The following PEMT variants were observed in gnomAD, a reference collection of about 807,000 sequenced individuals.
The protein encoded by PEMT is phosphatidylethanolamine N-methyltransferase.
Under a neutral mutation model 27.4 loss-of-function variants are expected in PEMT, and 23 were observed. That is an observed-to-expected ratio of 0.84 (90% CI 0.60 to 1.19). PEMT has a LOEUF of 1.19. Ranked by LOEUF, PEMT falls within the 50% of genes most tolerant of loss-of-function variation. PEMT has a pLI of 0.00. For synonymous variants in PEMT, 137 were observed against 139.1 expected, an observed-to-expected ratio of 0.98 and a Z score of 0.11; for missense variants, 307 against 310.1, an observed-to-expected ratio of 0.99 and a Z score of 0.07.
At chr17:17,506,499 G>C (rs574646223) in intron 5 of PEMT, among the ~76,000 whole-genome samples, 198 bp from the exon 6 acceptor site, 1 of 152,286 alleles carries the variant, frequency 6.6e-6, no homozygotes, top group South Asian at 2.1e-4. Flanking sequence ...CCATGTTCTC[G>C]GTCCTGATCC....
intron 1 of PEMT, among the ~76,000 whole-genome samples, chr17:17,589,082 T>C (rs1912468876): frequency 6.6e-6 from 1 of 152,226 alleles, no homozygotes; most frequent in Admixed American, 6.5e-5. Flanking sequence ...TGCCTCAGCC[T>C]CCCGAGTAGC....
At chr17:17,576,815 T>C in intron 2 of PEMT, 105 bp downstream of exon 2, 1 of 839,328 alleles carries the variant, frequency 1.2e-6, no homozygotes. Context: ...AGCAGAGCTG[T>C]CTGTCTGTCT....
At chr17:17,577,793 G>C (rs912996729) in intron 1 of PEMT, among the ~76,000 whole-genome samples, 2 of 151,990 alleles carry the variant, frequency 1.3e-5, no homozygotes, top group Non-Finnish European at 2.9e-5. Flanking sequence ...CGAGGCGGGC[G>C]GATCACGAGG....
chr17:17,590,344 C>T (rs371194141), intron 1 of PEMT, among the ~76,000 whole-genome samples: 1 of 152,208 alleles, frequency 6.6e-6, no homozygotes, highest in Non-Finnish European at 1.5e-5. Flanking sequence ...TGGAGGGCTT[C>T]GCAACTGCCT....
At chr17:17,564,145 GC>G (rs1282213385) in intron 2 of PEMT, among the ~76,000 whole-genome samples, 1 of 152,206 alleles carries the variant, frequency 6.6e-6, no homozygotes, top group Non-Finnish European at 1.5e-5. Flanking sequence ...AGCCACAGAC[GC>G]CACCGGAAGG....
At chr17:17,517,379 G>A (rs561946144) in intron 3 of PEMT, among the ~76,000 whole-genome samples, 5 of 152,332 alleles carry the variant, frequency 3.3e-5, no homozygotes, top group South Asian at 2.1e-4. Context: ...AGCAGGAGTC[G>A]CTTTTTTCTG....
chr17:17,520,672 C>T (rs1907196503), intron 3 of PEMT, among the ~76,000 whole-genome samples: 1 of 152,228 alleles, frequency 6.6e-6, no homozygotes, highest in African/African-American at 2.4e-5. Context: ...TCTGGGGAAG[C>T]CTCTTCACAT....
chr17:17,587,339 C>T (rs534047273), intron 1 of PEMT, among the ~76,000 whole-genome samples: 5 of 152,080 alleles, frequency 3.3e-5, no homozygotes, highest in East Asian at 3.9e-4. Context: ...TGAAATGAAC[C>T]GATCCTTGCA....
chr17:17,532,984 G>T (rs959989556), intron 2 of PEMT, among the ~76,000 whole-genome samples: 1 of 152,220 alleles, frequency 6.6e-6, no homozygotes, highest in East Asian at 1.9e-4. Flanking sequence ...CCGAGATCGT[G>T]CTATCGCACT....
intron 2 of PEMT, chr17:17,570,992 C>T (rs1331463704): frequency 6.9e-5 from 56 of 813,762 alleles, no homozygotes; most frequent in Non-Finnish European, 8.0e-5. Context: ...GAGACTCCCA[C>T]GTAGGGCCAC....
chr17:17,509,361 G>A (rs762616452), intron 5 of PEMT, 73 bp downstream of exon 5: 26 of 960,278 alleles, frequency 2.7e-5, no homozygotes, highest in Admixed American at 1.1e-4. Flanking sequence ...CCTGGCCCCC[G>A]CGTCCTGAGC....
At chr17:17,588,979 A>G (rs1356022782) in intron 1 of PEMT, among the ~76,000 whole-genome samples, 2 of 152,188 alleles carry the variant, frequency 1.3e-5, no homozygotes, top group Non-Finnish European at 2.9e-5. Flanking sequence ...TTTTGTTTTG[A>G]GACAGAGTTT....
intron 2 of PEMT, among the ~76,000 whole-genome samples, chr17:17,551,934 G>A (rs1361123482): frequency 1.3e-5 from 2 of 152,222 alleles, no homozygotes; most frequent in African/African-American, 4.8e-5. Context: ...TGGGCGCATT[G>A]GCTCATGCCT....
intron 3 of PEMT, 40 bp downstream of exon 3, chr17:17,522,240 C>A: frequency 1.4e-6 from 2 of 1,464,310 alleles, no homozygotes; most frequent in Non-Finnish European, 1.9e-6. Context: ...CTCCCGCTAG[C>A]CCAGGGGTTG....
At chr17:17,542,272 C>T (rs887582178) in intron 2 of PEMT, among the ~76,000 whole-genome samples, 7 of 152,340 alleles carry the variant, frequency 4.6e-5, no homozygotes, top group South Asian at 2.1e-4. Flanking sequence ...TGAGCCACTA[C>T]GCCTGGCCCA....
chr17:17,514,280 G>A (rs70963037), intron 3 of PEMT, among the ~76,000 whole-genome samples: 1,877 of 152,334 alleles, frequency 0.012, 36 homozygotes, highest in African/African-American at 0.042. Context: ...AGCTTGACTG[G>A]GAGCTCTTGG....
intron 2 of PEMT, among the ~76,000 whole-genome samples, chr17:17,544,066 G>A (rs1047532345): frequency 6.6e-6 from 1 of 151,988 alleles, no homozygotes; most frequent in African/African-American, 2.4e-5. Flanking sequence ...AGACGTGGTC[G>A]GTGAGGGGGG....
Position 17,523,252 on chromosome 17 carries a change from G to A in PEMT, c.205-857C>T, listed in dbSNP as rs1031767270. ...AGTTGTCTGTGGGCCCAGAGTAGGC[G>A]CCTGTGTGTGCACAGGAAGAGCCTC... On this transcript the variant is annotated intron_variant, in intron 2 of 6. Transcript: ENST00000255389. This position sits in a 1 kb window ranked among gnomAD's most constrained non-coding sequence, Gnocchi z 4.8. Among the ~76,000 whole-genome samples, 1 of 152,178 alleles carries A rather than the reference G, an allele frequency of 6.6e-6. No individual in the cohort carries two copies. Among genetic ancestry groups the A allele is most frequent in the Non-Finnish European group, 1.5e-5 (1 of 68,030 alleles).
chr17:17,542,370 T>C (rs143624151), intron 2 of PEMT, among the ~76,000 whole-genome samples: 19 of 152,338 alleles, frequency 1.2e-4, no homozygotes, highest in African/African-American at 4.1e-4. Flanking sequence ...AACAGGGGCC[T>C]ACGTGGCCTC....
Sources: allele counts gnomAD v4.1 joint callset (sites outside exome capture counted in the v4.1 genomes callset), GRCh38; gene constraint gnomAD v4.1.1; non-coding constraint Gnocchi (gnomAD v3.1); transcripts MANE v1.5; gene names NCBI Gene and HGNC (gene_info 2026-07-23, HGNC 2026-07-21).